The following MFNG variants were observed in gnomAD, a reference collection of about 807,000 sequenced individuals.
MFNG encodes MFNG O-fucosylpeptide 3-beta-N-acetylglucosaminyltransferase.
A neutral mutation model predicts 34.2 loss-of-function variants in MFNG; 24 were observed. The observed-to-expected ratio is 0.70, with a 90% CI of 0.51 to 0.99. The LOEUF (loss-of-function observed/expected upper bound fraction) is 0.99, where lower values mean the gene tolerates loss of function less well. MFNG is among the 50% of genes least tolerant of loss of function. The pLI is 0.00. For missense variants in MFNG, 383 were observed against 424.0 expected (o/e 0.90, Z 0.85); for synonymous variants, 158 against 179.2 (o/e 0.88, Z 0.94).
Position 37,476,929 on chromosome 22 carries a change from C to T in MFNG, c.614G>A (p.Arg205His), listed in dbSNP as rs199609888. 1.7e-5 allele frequency: 28 copies of T among 1,611,022 alleles called. No homozygotes were observed. Among genetic ancestry groups the T allele is most frequent in the Middle Eastern group, 1.7e-4 (1 of 6,042 alleles). Residue 205 changes from arginine to histidine, a missense_variant, in exon 5 of 8, where the codon CGC becomes CAC. Arg to His is a conservative substitution (Grantham distance 29). Coordinates refer to ENST00000356998, the MANE Select transcript of MFNG (RefSeq NM_002405.4). Reference sequence around the variant, plus strand: ...CGGAGCCATCTTCAAAGCCAGTTTGCGATTGATGCAGAAGCCAGCACCCCC... The same window carrying T: ...CGGAGCCATCTTCAAAGCCAGTTTGTGATTGATGCAGAAGCCAGCACCCCC... ...ATGGAGFCIN[R>H]KLALKMAPWA...
At chr22:37,478,784 T>C (rs182736349) in intron 4 of MFNG, among the ~76,000 whole-genome samples, 93 of 152,178 alleles carry the variant, frequency 6.1e-4, no homozygotes, top group African/African-American at 2.2e-3. Flanking sequence ...GTTCAAGCGA[T>C]TCTCCTCTCT....
intron 4 of MFNG, among the ~76,000 whole-genome samples, chr22:37,478,043 G>A (rs1922119762): frequency 6.6e-6 from 1 of 152,212 alleles, no homozygotes; most frequent in Non-Finnish European, 1.5e-5. Context: ...GTCGCCAGCA[G>A]TGAAGTGGTG....
rs539301075 is a variant in MFNG, at chr22:37,482,764, C to G, written c.256-1995G>C. On this transcript the variant is annotated intron_variant, in intron 1 of 7. Transcript: ENST00000356998. This position sits in a 1 kb window ranked among gnomAD's most constrained non-coding sequence, Gnocchi z 4.1. ...TTTGTCTCCTTGCTCCGGCACCTGG[C>G]TCTCCTCAGGAAGGCCTGTGCAGCA... 6.6e-6 allele frequency among the ~76,000 whole-genome samples: 1 copy of G among 152,310 alleles called. No individual in the cohort carries two copies. The highest frequency in any genetic ancestry group is 1.5e-5 in the Non-Finnish European group (1 of 68,032).
In MFNG at chr22:37,486,025, T is replaced by C. The variant is rs1922533906; in HGVS notation, c.153A>G (p.Leu51=). The C allele has an allele frequency of 1.2e-6, 2 of 1,613,898 alleles. No individual in the cohort carries two copies. The highest frequency in any genetic ancestry group is 2.2e-5 in the South Asian group (2 of 91,092). ...CTGCAATGAAGACATCGTGTAGCTG[T>C]AGCTTAGGGGGCCCCGGGTTCGGCT... The part of the protein sequence containing the change: ...LSQPNPGPPK[L]QLHDVFIAVK... Residue 51 remains leucine (L), a synonymous_variant, in exon 1 of 8, where the codon CTA becomes CTG. Transcript: ENST00000356998.
intron 7 of MFNG, among the ~76,000 whole-genome samples, chr22:37,472,186 C>G (rs1921836627): frequency 6.6e-6 from 1 of 151,980 alleles, no homozygotes; most frequent in Non-Finnish European, 1.5e-5. Context: ...GCTGGGAGAG[C>G]TCTTCAGATC....
chr22:37,472,430 C>T lies in MFNG; in HGVS notation c.899+13G>A. 1.9e-6 allele frequency: 3 copies of T among 1,560,802 alleles called. No individual in the cohort carries two copies. The highest frequency in any genetic ancestry group is 4.1e-5 in the Admixed American group (2 of 48,608). ...CCACTCCTCCCATCCAAGGTTCCAG[C>T]CCCCAGACCCACCTGGAGGGGTCCT... On this transcript the variant is annotated intron_variant, in intron 7 of 7. Transcript: ENST00000356998.
At position 37,485,391 on chromosome 22, in the gene MFNG, G is replaced by T. The variant is rs914725051; in HGVS notation, c.255+532C>A. ...CACAGCGGCAGGGGCTATCGGGAAG[G>T]CCGAAGGGATGCCTCCCCCAAGAAC... On this transcript the variant is annotated intron_variant, in intron 1 of 7. Transcript: ENST00000356998. The surrounding 1 kb of genome is among the most constrained non-coding windows in gnomAD (Gnocchi z 5.3). Among the ~76,000 whole-genome samples the T allele has an allele frequency of 4.6e-5, 7 of 152,230 alleles. No homozygotes were observed. The highest frequency in any genetic ancestry group is 9.6e-5 in the African/African-American group (4 of 41,476).
chr22:37,480,858 G>C, intron 1 of MFNG, 89 bp from the exon 2 acceptor site: 1 of 1,171,018 alleles, frequency 8.5e-7, no homozygotes, highest in Non-Finnish European at 1.3e-6. Flanking sequence ...GGCCCCAGAT[G>C]GACTCTGTAC....
chr22:37,485,805 G>T lies in MFNG; in HGVS notation c.255+118C>A. On this transcript the variant is annotated intron_variant, in intron 1 of 7. Coordinates refer to ENST00000356998, the MANE Select transcript of MFNG (RefSeq NM_002405.4). The surrounding 1 kb of genome is among the most constrained non-coding windows in gnomAD (Gnocchi z 5.3). The stretch of plus-strand genomic sequence containing the variant: ...AGAGAGGAAGAGGATCCCTGATTAG[G>T]CAGGTATTGAGCAGCTTCTCCCATG... The T allele has an allele frequency of 8.2e-7, 1 of 1,218,494 alleles. No individual in the cohort carries two copies. The highest frequency in any genetic ancestry group is 1.1e-6 in the Non-Finnish European group (1 of 884,252). 75.5% of individuals were successfully genotyped at this position (1,218,494 alleles called of 1,614,324 possible).
In MFNG at chr22:37,479,413, C is replaced by T. The variant is rs138192093; in HGVS notation, c.493G>A (p.Val165Ile). 125 of 1,608,768 alleles carry T rather than the reference C, an allele frequency of 7.8e-5. No homozygotes were observed. Among genetic ancestry groups the T allele is most frequent in the Non-Finnish European group, 9.1e-5 (107 of 1,177,736 alleles). ...TTCAGGCTGGGCCTTCCCACATAGA[C>T]GTCGCGGGCCAGCGGGAAGGCTCTC... Reference protein sequence around the residue: ...LLRAFPLARDVYVGRPSLNRP... With the variant: ...LLRAFPLARDIYVGRPSLNRP... The change falls in exon 4 of 8, where the codon GTC (valine) becomes ATC (isoleucine). Residue 165 changes from valine to isoleucine, a missense_variant. By Grantham distance (29) the Val-to-Ile change is conservative. Coordinates refer to ENST00000356998, the MANE Select transcript of MFNG (RefSeq NM_002405.4).
rs202048054 is a variant in MFNG, at chr22:37,470,063, C to A, written c.900-34G>T. On this transcript the variant is annotated intron_variant, in intron 7 of 7. Coordinates refer to ENST00000356998, the MANE Select transcript of MFNG (RefSeq NM_002405.4). ...AGACCAGAAAAGGACAGGATGGTCA[C>A]CCCCCACTTCTGCTCTCAGCCCACT... 5.9e-6 allele frequency: 9 copies of A among 1,512,722 alleles called. No homozygotes were observed. The East Asian group carries it at 9.5e-5, about 16-fold the overall frequency. 93.7% of individuals were successfully genotyped at this position (1,512,722 alleles called of 1,614,324 possible).
At position 37,474,672 on chromosome 22, in the gene MFNG, G is replaced by A; in HGVS notation, c.653C>T (p.Ser218Phe). ...ALKMAPWASG[S>F]RFMDTSALIR... ...GAGAGCAGATGTGTCCATGAAACGG[G>A]AGCCACTGAGGGACAGAGCCAGACT... The change falls in exon 6 of 8, where the codon TCC becomes TTC. Residue 218 changes from serine (S) to phenylalanine (F), a missense_variant. Ser to Phe is a radical substitution (Grantham distance 155). Transcript: ENST00000356998. 1.3e-6 allele frequency: 2 copies of A among 1,599,544 alleles called. No individual in the cohort carries two copies. Among genetic ancestry groups the A allele is most frequent in the African/African-American group, 1.3e-5 (1 of 74,760 alleles).
intron 5 of MFNG, among the ~76,000 whole-genome samples, chr22:37,476,200 C>A (rs769287481): frequency 6.6e-6 from 1 of 151,954 alleles, no homozygotes; most frequent in Non-Finnish European, 1.5e-5. Flanking sequence ...ATAATAATAG[C>A]CCGGAAAGAC....
At position 37,482,414 on chromosome 22, in the gene MFNG, CTCTG is replaced by C. The variant is rs888882062; in HGVS notation, c.256-1649_256-1646del. Reference sequence around the variant, plus strand: ...TCCTGTCCACCCCTGGGGCTTCTCTCTCTGTCTCTCTCTCTCACACACACACACG... The same window carrying C: ...TCCTGTCCACCCCTGGGGCTTCTCTCTCTCTCTCTCTCACACACACACACG... On this transcript the variant is annotated intron_variant, in intron 1 of 7. Coordinates refer to ENST00000356998, the MANE Select transcript of MFNG (RefSeq NM_002405.4). This position sits in a 1 kb window ranked among gnomAD's most constrained non-coding sequence, Gnocchi z 4.1. Among the ~76,000 whole-genome samples the C allele has an allele frequency of 2.0e-5, 3 of 151,168 alleles. No homozygotes were observed. The highest frequency in any genetic ancestry group is 6.6e-5 in the Admixed American group (1 of 15,194).
At chr22:37,479,591 G>C (rs929786036) in intron 3 of MFNG, 93 bp from the exon 4 acceptor site, 1 of 1,499,554 alleles carries the variant, frequency 6.7e-7, no homozygotes, top group South Asian at 1.2e-5. Context: ...GTGACGGAAT[G>C]GGGGTAGGGG....
chr22:37,478,616 G>C (rs865939871), intron 4 of MFNG, among the ~76,000 whole-genome samples: 3 of 152,108 alleles, frequency 2.0e-5, no homozygotes, highest in Non-Finnish European at 4.4e-5. Flanking sequence ...AGGGGAAGGT[G>C]GGGAAGGGTT....
At chr22:37,470,452 A>G (rs1488907832) in intron 7 of MFNG, among the ~76,000 whole-genome samples, 1 of 152,190 alleles carries the variant, frequency 6.6e-6, no homozygotes, top group African/African-American at 2.4e-5. Context: ...GCAGTAATCT[A>G]TGACTTCTAG....
chr22:37,480,851 C>A, intron 1 of MFNG, 82 bp from the exon 2 acceptor site: 1 of 1,222,116 alleles, frequency 8.2e-7, no homozygotes, highest in Middle Eastern at 1.9e-4. Context: ...ACCACCAGGC[C>A]CCAGATGGAC....
Position 37,485,997 on chromosome 22 carries a change from T to C in MFNG, c.181A>G (p.Lys61Glu). Residue 61 changes from lysine to glutamate, a missense_variant, in exon 1 of 8, where the codon AAG (lysine) becomes GAG (glutamate). Coordinates refer to ENST00000356998, the MANE Select transcript of MFNG (RefSeq NM_002405.4). This position sits in a 1 kb window ranked among gnomAD's most constrained non-coding sequence, Gnocchi z 5.3. ...LQLHDVFIAV[K>E]TTRAFHRLRL... ...AAGCGGTGGAAAGCCCGGGTCGTCT[T>C]CACTGCAATGAAGACATCGTGTAGC... The C allele has an allele frequency of 2.5e-6, 4 of 1,613,992 alleles. No homozygotes were observed. Among genetic ancestry groups the C allele is most frequent in the Middle Eastern group, 1.7e-4 (1 of 6,056 alleles).
Sources: allele counts gnomAD v4.1 joint callset (sites outside exome capture counted in the v4.1 genomes callset), GRCh38; gene constraint gnomAD v4.1.1; non-coding constraint Gnocchi (gnomAD v3.1); transcripts MANE v1.5; gene names NCBI Gene and HGNC (gene_info 2026-07-23, HGNC 2026-07-21).